The following MEI4 variants were observed in gnomAD, a reference collection of about 807,000 sequenced individuals.
MEI4 encodes meiosis-specific protein MEI4.
A neutral mutation model predicts 31.4 loss-of-function variants in MEI4; 27 were observed. The observed-to-expected ratio is 0.86, with a 90% CI of 0.63 to 1.19. The LOEUF (loss-of-function observed/expected upper bound fraction) is 1.19, where lower values mean the gene tolerates loss of function less well. Ranked by LOEUF, MEI4 falls within the 50% of genes most tolerant of loss-of-function variation. The probability of loss-of-function intolerance (pLI) is 0.00; values close to 1 mark genes in which losing one functional copy is unlikely to be tolerated. For missense variants in MEI4, 329 were observed against 398.9 expected (o/e 0.82, Z 1.49); for synonymous variants, 122 against 145.4 (o/e 0.84, Z 1.16).
At position 77,832,566 on chromosome 6, in the gene MEI4, C is replaced by T. The variant is rs1251507294; in HGVS notation, c.900+3504C>T. ...ATATATTTTTGTTTGAAATAAATAG[C>T]GATTAATTTTAATTTTATGTTATGT... On this transcript the variant is annotated intron_variant, in intron 4 of 4. Coordinates refer to ENST00000684080, the MANE Select transcript of MEI4 (RefSeq NM_001322247.2). Among the ~76,000 whole-genome samples the T allele has an allele frequency of 4.6e-5, 7 of 151,982 alleles. No individual in the cohort carries two copies. In the East Asian group the frequency reaches 5.8e-4, roughly 13 times the overall value.
intron 2 of MEI4, among the ~76,000 whole-genome samples, chr6:77,696,478 T>C (rs1766048416): frequency 6.6e-6 from 1 of 151,956 alleles, no homozygotes; most frequent in Non-Finnish European, 1.5e-5. Context: ...GCATGAAGGG[T>C]TGTTGAATTT....
intron 3 of MEI4, among the ~76,000 whole-genome samples, chr6:77,792,768 A>G (rs935384544): frequency 2.0e-5 from 3 of 151,116 alleles, no homozygotes; most frequent in South Asian, 2.1e-4. Flanking sequence ...GCTGGAGTGC[A>G]GTGGCGTGAT....
chr6:77,881,180 A>G (rs1771481093), intron 4 of MEI4, among the ~76,000 whole-genome samples: 2 of 152,168 alleles, frequency 1.3e-5, no homozygotes, highest in Admixed American at 1.3e-4. Flanking sequence ...TGAATAAACA[A>G]AAAAGCCTTC....
intron 4 of MEI4, among the ~76,000 whole-genome samples, chr6:77,850,296 T>C (rs1770584686): frequency 6.6e-6 from 1 of 152,114 alleles, no homozygotes; most frequent in African/African-American, 2.4e-5. Context: ...TTAAAGTTCA[T>C]ATGGAACCAA....
intron 4 of MEI4, among the ~76,000 whole-genome samples, chr6:77,831,307 G>A (rs1770072791): frequency 6.6e-6 from 1 of 151,866 alleles, no homozygotes; most frequent in South Asian, 2.1e-4. Context: ...TGGTAGGAAT[G>A]TAAAGTAGTA....
chr6:77,908,415 C>T (rs1398133493), intron 4 of MEI4, among the ~76,000 whole-genome samples: 1 of 152,086 alleles, frequency 6.6e-6, no homozygotes. Context: ...AATCGTTTCC[C>T]CATTTCTTGT....
intron 4 of MEI4, among the ~76,000 whole-genome samples, chr6:77,841,326 TA>T (rs1198532756): frequency 1.6e-3 from 100 of 62,522 alleles, no homozygotes; most frequent in Non-Finnish European, 2.4e-3. Flanking sequence ...TATATATATA[TA>T]TATATATTTT....
At chr6:77,731,534 T>TG (rs1361314787) in intron 2 of MEI4, among the ~76,000 whole-genome samples, 7 of 151,614 alleles carry the variant, frequency 4.6e-5, no homozygotes, top group African/African-American at 1.7e-4. Context: ...ATTAGCCCTT[T>TG]GTCAGATGAG....
chr6:77,760,012 C>G (rs553930654), intron 2 of MEI4, among the ~76,000 whole-genome samples: 1 of 152,156 alleles, frequency 6.6e-6, no homozygotes, highest in Admixed American at 6.6e-5. Flanking sequence ...ATGCATTTTA[C>G]TGATAATCAT....
At chr6:77,732,915 T>G (rs913587770) in intron 2 of MEI4, among the ~76,000 whole-genome samples, 1 of 151,222 alleles carries the variant, frequency 6.6e-6, no homozygotes, top group Non-Finnish European at 1.5e-5. Context: ...GTTCTGTTTA[T>G]ATGCTGGTTA....
intron 2 of MEI4, among the ~76,000 whole-genome samples, chr6:77,741,242 C>T (rs537191383): frequency 2.6e-5 from 4 of 152,210 alleles, no homozygotes; most frequent in East Asian, 1.9e-4. Context: ...TGGAGAAGGA[C>T]GAAGGGGCCA....
chr6:77,699,483 C>T (rs7449574), intron 2 of MEI4, among the ~76,000 whole-genome samples: 22,598 of 152,118 alleles, frequency 0.15, 1,816 homozygotes, highest in East Asian at 0.27. Flanking sequence ...TGAGCCACCG[C>T]GCCCGGCCCA....
At chr6:77,662,668 A>G (rs959862132) in intron 1 of MEI4, among the ~76,000 whole-genome samples, 8 of 152,190 alleles carry the variant, frequency 5.3e-5, no homozygotes, top group African/African-American at 2.4e-5. Flanking sequence ...AGGCTAAAAC[A>G]GTAAGGTCAA....
At chr6:77,655,567 ATATATT>A (rs1414029191) in intron 1 of MEI4, among the ~76,000 whole-genome samples, 1 of 152,164 alleles carries the variant, frequency 6.6e-6, no homozygotes, top group African/African-American at 2.4e-5. Flanking sequence ...TCAGACTTAT[ATATATT>A]TCAAGGCTTT....
chr6:77,814,703 A>G (rs2127706032), intron 3 of MEI4, among the ~76,000 whole-genome samples: 1 of 152,234 alleles, frequency 6.6e-6, no homozygotes, highest in African/African-American at 2.4e-5. Flanking sequence ...CAAGAATAAT[A>G]CATAATTGAA....
In MEI4 at chr6:77,879,310, G is replaced by A. The variant is rs544375324; in HGVS notation, c.901-43779G>A. On this transcript the variant is annotated intron_variant, in intron 4 of 4. Transcript: ENST00000684080. Reference sequence around the variant, plus strand: ...CATTTCTAAAACTGAGTCAAGCATCGAGAATTATAAAATGATGACATGAAA... The same window carrying A: ...CATTTCTAAAACTGAGTCAAGCATCAAGAATTATAAAATGATGACATGAAA... 8.5e-5 allele frequency among the ~76,000 whole-genome samples: 13 copies of A among 152,092 alleles called. No individual in the cohort carries two copies. The East Asian group carries it at 1.9e-3, about 23-fold the overall frequency.
At chr6:77,697,032 A>G (rs1398952914) in intron 2 of MEI4, among the ~76,000 whole-genome samples, 1 of 152,134 alleles carries the variant, frequency 6.6e-6, no homozygotes, top group Admixed American at 6.5e-5. Context: ...CATTTCTTCT[A>G]GATTTTCTAG....
intron 1 of MEI4, among the ~76,000 whole-genome samples, chr6:77,682,077 A>G (rs145083242): frequency 2.6e-5 from 4 of 152,326 alleles, no homozygotes; most frequent in African/African-American, 7.2e-5. Context: ...TACTGAAACT[A>G]TTAAACTAAT....
intron 1 of MEI4, among the ~76,000 whole-genome samples, chr6:77,676,115 T>C (rs1383391465): frequency 6.6e-6 from 1 of 152,186 alleles, no homozygotes; most frequent in Non-Finnish European, 1.5e-5. Context: ...TGTTCCACTT[T>C]CTGCAACCAT....
Sources: gnomAD v4.1 joint callset for allele counts (sites outside exome capture counted in the v4.1 genomes callset) on GRCh38, gnomAD v4.1.1 for gene constraint, MANE v1.5 for transcripts, NCBI Gene and HGNC (gene_info 2026-07-23, HGNC 2026-07-21) for gene names.